Variants in CRAMP1 observed in about 807,000 individuals in gnomAD.
CRAMP1 encodes protein cramped-like.
A neutral mutation model predicts 115.4 loss-of-function variants in CRAMP1; 50 were observed. The ratio of observed to expected loss-of-function variants is 0.43; its 90% CI spans 0.35 to 0.55. CRAMP1 has a LOEUF of 0.55. Among genes scored for constraint, CRAMP1 ranks in the 20% least tolerant of loss-of-function variants. CRAMP1 has a pLI of 0.01. For missense variants in CRAMP1, 1,679 were observed against 1,721.7 expected (o/e 0.98, Z 0.44); for synonymous variants, 866 against 745.4 (o/e 1.16, Z -2.64).
chr16:1,615,987 A>G (rs1463855540), intron 2 of CRAMP1, among the ~76,000 whole-genome samples: 1 of 152,248 alleles, frequency 6.6e-6, no homozygotes, highest in Non-Finnish European at 1.5e-5. Context: ...TCTGTGCCAC[A>G]TGTGTTCCAT....
intron 8 of CRAMP1, among the ~76,000 whole-genome samples, chr16:1,653,515 C>T (rs1262592178): frequency 6.6e-6 from 1 of 152,208 alleles, no homozygotes; most frequent in East Asian, 1.9e-4. Context: ...GGAAATGGAC[C>T]CTTTTTCATT....
intron 6 of CRAMP1, chr16:1,647,098 C>T (rs2036681706): frequency 1.4e-6 from 1 of 702,714 alleles, no homozygotes. Flanking sequence ...TGGGAGGCTA[C>T]CCCTGGATTT....
In CRAMP1 at chr16:1,667,416, G is replaced by C. The variant is rs756461953; in HGVS notation, c.3102+16G>C. On this transcript the variant is annotated intron_variant, in intron 17 of 20. Coordinates refer to ENST00000397412, the MANE Select transcript of CRAMP1 (RefSeq NM_020825.4). ...CAGTTTCCAGGTAGAGTGTGCTCTTGGGCTGCTGAGCAAAGCAGCTGCCCC... is the reference window on the plus strand; with the variant it reads ...CAGTTTCCAGGTAGAGTGTGCTCTTCGGCTGCTGAGCAAAGCAGCTGCCCC... 1 of 1,607,490 alleles carries C rather than the reference G, an allele frequency of 6.2e-7. No homozygotes were observed. Among genetic ancestry groups the C allele is most frequent in the African/African-American group, 1.3e-5 (1 of 74,952 alleles).
Position 1,614,755 on chromosome 16 carries a change from C to G in CRAMP1, c.116C>G (p.Ala39Gly), listed in dbSNP as rs1234857064. Residue 39 changes from alanine (A) to glycine (G), a missense_variant, in exon 2 of 21, where the codon GCC becomes GGC. Around this residue, in one of 8 missense-constraint regions of CRAMP1, gnomAD observed 264 missense variants for 229.7 expected, o/e 1.15. Transcript: ENST00000397412. This position sits in a 1 kb window ranked among gnomAD's most constrained non-coding sequence, Gnocchi z 4.4. ...GAAGGGGCCGGCGGCGCAGACGCGG[C>G]CGAGGAGAGCAGCGGCACAAAGAGG... ...EGEGAGGADA[A>G]EESSGTKRDE... is the part of the protein sequence containing the mutation. 5 of 1,368,480 alleles carry G rather than the reference C, an allele frequency of 3.7e-6. No homozygotes were observed. The highest frequency in any genetic ancestry group is 4.8e-6 in the Non-Finnish European group (5 of 1,048,946). 84.8% of individuals were successfully genotyped at this position (1,368,480 alleles called of 1,614,324 possible).
At chr16:1,627,941 T>C (rs548580813) in intron 3 of CRAMP1, among the ~76,000 whole-genome samples, 1 of 152,310 alleles carries the variant, frequency 6.6e-6, no homozygotes, top group South Asian at 2.1e-4. Context: ...TTGGCAAGAC[T>C]GTAGCCTCTG....
intron 5 of CRAMP1, 83 bp from the exon 6 acceptor site, chr16:1,641,056 T>C (rs1247731236): frequency 2.2e-6 from 2 of 921,318 alleles, no homozygotes; most frequent in South Asian, 1.4e-5. Flanking sequence ...TGAGTCTATA[T>C]TGAGCGGAAT....
intron 6 of CRAMP1, among the ~76,000 whole-genome samples, chr16:1,651,393 A>C (rs2036721496): frequency 6.6e-6 from 1 of 151,982 alleles, no homozygotes; most frequent in African/African-American, 2.4e-5. Flanking sequence ...CTGAGAGGTC[A>C]CGGAGAGGTG....
At chr16:1,641,039 T>C in intron 5 of CRAMP1, 100 bp from the exon 6 acceptor site, 1 of 771,420 alleles carries the variant, frequency 1.3e-6, no homozygotes, top group South Asian at 1.6e-5. Flanking sequence ...TATTCGGTAA[T>C]GGGATTTGAG....
chr16:1,647,940 G>T (rs1596490647), intron 6 of CRAMP1, among the ~76,000 whole-genome samples: 1 of 151,990 alleles, frequency 6.6e-6, no homozygotes, highest in South Asian at 2.1e-4. Flanking sequence ...CCACGTCCCG[G>T]AACTGTGACC....
At chr16:1,615,501 G>A (rs2036411321) in intron 2 of CRAMP1, among the ~76,000 whole-genome samples, 1 of 152,194 alleles carries the variant, frequency 6.6e-6, no homozygotes, top group Non-Finnish European at 1.5e-5. Flanking sequence ...AGAGTAGGAA[G>A]GGCATAGAGA....
chr16:1,648,203 G>T (rs1019567184), intron 6 of CRAMP1, among the ~76,000 whole-genome samples: 1 of 152,086 alleles, frequency 6.6e-6, no homozygotes, highest in South Asian at 2.1e-4. Context: ...ACACAGCTCC[G>T]CCAGCTGTTT....
chr16:1,644,834 GGTGGT>G (rs768035475), intron 6 of CRAMP1, among the ~76,000 whole-genome samples: 4 of 152,110 alleles, frequency 2.6e-5, no homozygotes, highest in South Asian at 2.1e-4. Flanking sequence ...CGCTGTTGGA[GGTGGT>G]GTGGTGTGGT....
chr16:1,614,818 C>A lies in CRAMP1; in HGVS notation c.179C>A (p.Pro60His). The A allele has an allele frequency of 7.9e-7, 1 of 1,269,990 alleles. No homozygotes were observed. Among genetic ancestry groups the A allele is most frequent in the South Asian group, 3.4e-5 (1 of 29,238 alleles). 78.7% of individuals were successfully genotyped at this position (1,269,990 alleles called of 1,614,324 possible). ...CCCCGGGCCGGCGCCGACGGCCCCC[C>A]CGCGCCCCCCGGCGCGCCGCAGGCG... is the stretch of plus-strand genomic sequence containing the variant. The part of the protein sequence containing the change: ...KTPRAGADGP[P>H]APPGAPQAPS... The change falls in exon 2 of 21, where the codon CCC becomes CAC. Residue 60 changes from proline to histidine, a missense_variant. Pro to His is a moderately conservative substitution (Grantham distance 77). Transcript: ENST00000397412. The surrounding 1 kb of genome is among the most constrained non-coding windows in gnomAD (Gnocchi z 4.4).
At position 1,669,088 on chromosome 16, in the gene CRAMP1, A is replaced by T. The variant is rs774926972; in HGVS notation, c.3422A>T (p.His1141Leu). 1.2e-6 allele frequency: 2 copies of T among 1,611,880 alleles called. No individual in the cohort carries two copies. Among genetic ancestry groups the T allele is most frequent in the Non-Finnish European group, 1.7e-6 (2 of 1,179,040 alleles). ...TCCCCGTCCAGCAGCCCCCAGCCACACTGGATCGCCTCTCCCACCCACGAC... is the reference window on the plus strand; with the variant it reads ...TCCCCGTCCAGCAGCCCCCAGCCACTCTGGATCGCCTCTCCCACCCACGAC... ...LPSPSSSPQP[H>L]WIASPTHDPQ... is the part of the protein sequence containing the mutation. Residue 1141 changes from histidine (H) to leucine (L), a missense_variant, in exon 19 of 21, where the codon CAC becomes CTC. By Grantham distance (99) the His-to-Leu change is moderately conservative. This residue lies in a region of CRAMP1 where 709 missense variants were observed against 741.9 expected (regional missense o/e 0.96). Transcript: ENST00000397412. The surrounding 1 kb of genome is among the most constrained non-coding windows in gnomAD (Gnocchi z 4.6).
At chr16:1,635,791 G>A (rs182438781) in intron 4 of CRAMP1, among the ~76,000 whole-genome samples, 1 of 152,314 alleles carries the variant, frequency 6.6e-6, no homozygotes, top group East Asian at 1.9e-4. Context: ...TATGTCCATT[G>A]CCCAGGAGGA....
Position 1,616,522 on chromosome 16 carries a change from T to C in CRAMP1, c.346+1537T>C, listed in dbSNP as rs560588145. 3.4e-4 allele frequency among the ~76,000 whole-genome samples: 52 copies of C among 152,328 alleles called. 2 individuals are homozygous for C. The South Asian group carries it at 0.011, about 31-fold the overall frequency. On this transcript the variant is annotated intron_variant, in intron 2 of 20. Coordinates refer to ENST00000397412, the MANE Select transcript of CRAMP1 (RefSeq NM_020825.4). Reference sequence around the variant, plus strand: ...TCAGACGTGTACGTGGCTACTTGTATGTATAAGTGAAGTGCTGCTGAGACG... The same window carrying C: ...TCAGACGTGTACGTGGCTACTTGTACGTATAAGTGAAGTGCTGCTGAGACG...
intron 3 of CRAMP1, among the ~76,000 whole-genome samples, chr16:1,630,615 A>C (rs1311392961): frequency 6.6e-6 from 1 of 152,202 alleles, no homozygotes; most frequent in East Asian, 1.9e-4. Flanking sequence ...ATTCAGATTA[A>C]CAAGGGTCCC....
rs2036924745 is a variant in CRAMP1 at position 1,671,670 on chromosome 16, A to G, written c.3645+861A>G. Among the ~76,000 whole-genome samples, 1 of 152,158 alleles carries G rather than the reference A, an allele frequency of 6.6e-6. No homozygotes were observed. Among genetic ancestry groups the G allele is most frequent in the South Asian group, 2.1e-4 (1 of 4,832 alleles). On this transcript the variant is annotated intron_variant, in intron 20 of 20. Transcript: ENST00000397412. This position sits in a 1 kb window ranked among gnomAD's most constrained non-coding sequence, Gnocchi z 5.0. ...AGCATTCCCCGAATCTAGTCCCCAC[A>G]ATGTTGAGACATTGGCAGGTGTTCC...
intron 6 of CRAMP1, 65 bp downstream of exon 6, chr16:1,641,252 C>T: frequency 1.7e-6 from 2 of 1,207,748 alleles, no homozygotes; most frequent in South Asian, 1.2e-5. Flanking sequence ...CTCTAAAATA[C>T]AGAAGCTGAA....
Sources: gnomAD v4.1 joint callset for allele counts (sites outside exome capture counted in the v4.1 genomes callset) on GRCh38, gnomAD v4.1.1 for gene constraint, gnomAD v4.1.1 regional missense constraint, Gnocchi (gnomAD v3.1) non-coding constraint, MANE v1.5 for transcripts, NCBI Gene and HGNC (gene_info 2026-07-23, HGNC 2026-07-21) for gene names.